Variants in GNLY observed in about 807,000 individuals in gnomAD.
GNLY encodes T-cell activation protein 519.
GNLY carries 15 observed loss-of-function variants against 18.5 expected under a neutral mutation model. The observed-to-expected ratio is 0.81, with a 90% CI of 0.54 to 1.25. The LOEUF (loss-of-function observed/expected upper bound fraction) is 1.25, where lower values mean the gene tolerates loss of function less well. Ranked by LOEUF, GNLY falls within the 50% of genes most tolerant of loss-of-function variation. The pLI is 0.00. For missense variants in GNLY, 178 were observed against 186.9 expected, an observed-to-expected ratio of 0.95 and a Z score of 0.28; for synonymous variants, 77 against 74.9, an observed-to-expected ratio of 1.03 and a Z score of -0.14.
rs754462430 is a variant in GNLY, at chr2:85,698,700, C to T, written c.*126C>T. On this transcript the variant is annotated 3_prime_UTR_variant, in exon 5 of 5. Coordinates refer to ENST00000263863, the MANE Select transcript of GNLY (RefSeq NM_006433.5). ...CCACTCTCCAGTCTCCCTCCCCTGACTCCCTCTGCTGTCCTCCCCTCTCAC... is the reference window on the plus strand; with the variant it reads ...CCACTCTCCAGTCTCCCTCCCCTGATTCCCTCTGCTGTCCTCCCCTCTCAC... 1.9e-6 allele frequency: 3 copies of T among 1,592,996 alleles called. No individual in the cohort carries two copies. Among genetic ancestry groups the T allele is most frequent in the South Asian group, 1.1e-5 (1 of 89,662 alleles).
At position 85,698,647 on chromosome 2, in the gene GNLY, C is replaced by T. The variant is rs1257297550; in HGVS notation, c.*73C>T. On this transcript the variant is annotated 3_prime_UTR_variant, in exon 5 of 5. Transcript: ENST00000263863. ...ATCCCGGGAACCTCAGCAACCTCTG[C>T]CGGCTCCTCGCTTCCTCGATCCAGA... The T allele has an allele frequency of 6.2e-7, 1 of 1,611,032 alleles. No individual in the cohort carries two copies. The highest frequency in any genetic ancestry group is 1.3e-5 in the African/African-American group (1 of 75,020).
intron 1 of GNLY, 138 bp downstream of exon 1, chr2:85,694,608 C>CT: frequency 1.1e-6 from 1 of 896,732 alleles, no homozygotes. Flanking sequence ...TCATGGAGGC[C>CT]TGGCCTCCCC....
chr2:85,698,766 C>T lies in GNLY; in HGVS notation c.*192C>T. 2 of 1,515,588 alleles carry T rather than the reference C, an allele frequency of 1.3e-6. No homozygotes were observed. Among genetic ancestry groups the T allele is most frequent in the South Asian group, 2.5e-5 (2 of 81,304 alleles). The allele number at this position is 1,515,588 out of a possible 1,614,324, so 93.9% of individuals were successfully genotyped here. A position where few individuals can be genotyped will look rare whatever the true frequency, so the allele number is the denominator to read the frequency against. On this transcript the variant is annotated 3_prime_UTR_variant, in exon 5 of 5. Transcript: ENST00000263863. ...AGCAAGATTTTAGCCGCAGCTGCTT[C>T]TTCTTTGGTGGATTTGAGGGGTGGG... is the stretch of plus-strand genomic sequence containing the variant.
At chr2:85,694,643 G>A (rs1678367904) in intron 1 of GNLY, 173 bp downstream of exon 1, 1 of 1,088,200 alleles carries the variant, frequency 9.2e-7, no homozygotes, top group Non-Finnish European at 1.3e-6. Context: ...AGTCCAGTGT[G>A]CTGCCCAGCC....
At chr2:85,696,739 G>C (rs1379901302) in intron 3 of GNLY, 1 of 152,414 alleles carries the variant, frequency 6.6e-6, no homozygotes, top group African/African-American at 2.4e-5. Flanking sequence ...GGGTCTCACT[G>C]TGTTGCCCAG....
intron 1 of GNLY, 135 bp downstream of exon 1, chr2:85,694,605 G>A: frequency 1.1e-6 from 1 of 907,376 alleles, no homozygotes; most frequent in Non-Finnish European, 1.5e-6. Flanking sequence ...CCGTCATGGA[G>A]GCCTGGCCTC....
intron 3 of GNLY, 155 bp downstream of exon 3, chr2:85,696,211 G>A: frequency 1.3e-5 from 8 of 598,804 alleles, no homozygotes; most frequent in Non-Finnish European, 2.4e-5. Context: ...GTGTGTCTGT[G>A]GATGAATTTC....
Position 85,698,759 on chromosome 2 carries a change from G to C in GNLY, c.*185G>C, listed in dbSNP as rs1349733014. 1 of 1,520,836 alleles carries C rather than the reference G, an allele frequency of 6.6e-7. No individual in the cohort carries two copies. Among genetic ancestry groups the C allele is most frequent in the Non-Finnish European group, 8.8e-7 (1 of 1,136,150 alleles). The allele number at this position is 1,520,836 out of a possible 1,614,324, so 94.2% of individuals were successfully genotyped here. ...AGTGTCAAGCAAGATTTTAGCCGCAGCTGCTTCTTCTTTGGTGGATTTGAG... is the reference window on the plus strand; with the variant it reads ...AGTGTCAAGCAAGATTTTAGCCGCACCTGCTTCTTCTTTGGTGGATTTGAG... On this transcript the variant is annotated 3_prime_UTR_variant, in exon 5 of 5. Coordinates refer to ENST00000263863, the MANE Select transcript of GNLY (RefSeq NM_006433.5).
In GNLY at chr2:85,697,553, A is replaced by T. The variant is rs752051574; in HGVS notation, c.303A>T (p.Ser101=). 1 of 1,613,156 alleles carries T rather than the reference A, an allele frequency of 6.2e-7. No individual in the cohort carries two copies. The highest frequency in any genetic ancestry group is 1.1e-5 in the South Asian group (1 of 91,030). Residue 101 remains serine, a synonymous_variant, in exon 4 of 5, where the codon TCA becomes TCT. Transcript: ENST00000263863. The stretch of plus-strand genomic sequence containing the variant: ...CCCGGGTGTGTAGGACGGGGAGGTC[A>T]CGATGGCGCGACGTCTGCAGAAATT... ...AATRVCRTGR[S]RWRDVCRNFM...
Position 85,698,571 on chromosome 2 carries a change from CT to C in GNLY, c.436del (p.Ter146GlufsTer87), listed in dbSNP as rs1278013410. On this transcript the variant is annotated frameshift_variant and stop_lost, in exon 5 of 5. Coordinates refer to ENST00000263863, the MANE Select transcript of GNLY (RefSeq NM_006433.5). LOFTEE classifies it high-confidence loss of function. The part of the protein sequence containing the change: ...RLCIPSTGPL[*>X] ...CTGTTCTCTCCTCTCCAGGTCCCCT[CT>C]GAGCCCTCTCACCTTGTCCTGTGGA... The C allele has an allele frequency of 6.2e-7, 1 of 1,613,402 alleles. No individual in the cohort carries two copies. Among genetic ancestry groups the C allele is most frequent in the Non-Finnish European group, 8.5e-7 (1 of 1,179,508 alleles).
chr2:85,695,735 G>C (rs1678416677), intron 2 of GNLY, among the ~76,000 whole-genome samples: 1 of 152,136 alleles, frequency 6.6e-6, no homozygotes, highest in Non-Finnish European at 1.5e-5. Flanking sequence ...AAAGTACTGG[G>C]GGTGTGGGAG....
In GNLY at chr2:85,698,427, G is replaced by T. The variant is rs755051325; in HGVS notation, c.428-137G>T. 2.6e-5 allele frequency: 38 copies of T among 1,457,146 alleles called. No individual in the cohort carries two copies. In the Middle Eastern group the frequency reaches 5.2e-4, roughly 20 times the overall value. The allele number at this position is 1,457,146 out of a possible 1,614,324, so 90.3% of individuals were successfully genotyped here. A position where few individuals can be genotyped will look rare whatever the true frequency, so the allele number is the denominator to read the frequency against. The stretch of plus-strand genomic sequence containing the variant: ...CACAACCTGCTCAGGCTGCCGACTG[G>T]CTTCCAGGATGTGCCTCTGGGTGTG... On this transcript the variant is annotated intron_variant, in intron 4 of 4. Coordinates refer to ENST00000263863, the MANE Select transcript of GNLY (RefSeq NM_006433.5).
At chr2:85,694,895 C>T (rs916799336) in intron 1 of GNLY, 31 of 1,552,222 alleles carry the variant, frequency 2.0e-5, no homozygotes, top group Non-Finnish European at 2.7e-5. Flanking sequence ...TTCCTGCCCC[C>T]TGCACCCTGC....
intron 1 of GNLY, 61 bp downstream of exon 1, chr2:85,694,531 G>C: frequency 6.5e-7 from 1 of 1,537,646 alleles, no homozygotes; most frequent in Non-Finnish European, 9.0e-7. Flanking sequence ...TCTCAGGCTG[G>C]CTGAACCTGG....
intron 3 of GNLY, chr2:85,697,204 G>A (rs576890422): frequency 5.8e-6 from 2 of 346,376 alleles, no homozygotes; most frequent in African/African-American, 4.2e-5. Context: ...TTTAATGTGT[G>A]CCTGGCAGCC....
rs752802595 is a variant in GNLY, at chr2:85,698,564, G to T, written c.428G>T (p.Gly143Val). Reference protein sequence around the residue: ...EDLRLCIPSTGPL With the variant: ...EDLRLCIPSTVPL ...CAGCTGGCTGTTCTCTCCTCTCCAG[G>T]TCCCCTCTGAGCCCTCTCACCTTGT... Residue 143 changes from glycine to valine, a missense_variant and splice_region_variant, in exon 5 of 5, where the codon GGT becomes GTT. Transcript: ENST00000263863. 6.2e-7 allele frequency: 1 copy of T among 1,613,134 alleles called. No individual in the cohort carries two copies. Among genetic ancestry groups the T allele is most frequent in the Admixed American group, 1.7e-5 (1 of 60,008 alleles).
chr2:85,697,661 G>T lies in GNLY; in HGVS notation c.411G>T (p.Leu137Phe), dbSNP rs143181527. The T allele has an allele frequency of 5.0e-6, 8 of 1,612,724 alleles. No homozygotes were observed. The African/African-American group carries it at 1.1e-4, about 22-fold the overall frequency. Residue 137 changes from leucine to phenylalanine, a missense_variant, in exon 4 of 5, where the codon TTG becomes TTT. By Grantham distance (22) the Leu-to-Phe change is conservative. Transcript: ENST00000263863. ...TAQQICEDLR[L>F]CIPSTGPL ...AGCAGATCTGTGAGGACCTCAGGTTGTGTATACCTTCTACAGGTGAGTGCA... is the reference window on the plus strand; with the variant it reads ...AGCAGATCTGTGAGGACCTCAGGTTTTGTATACCTTCTACAGGTGAGTGCA...
intron 1 of GNLY, chr2:85,694,793 C>T (rs1678374122): frequency 1.4e-6 from 2 of 1,449,364 alleles, no homozygotes; most frequent in African/African-American, 1.4e-5. Flanking sequence ...CATTGGCCCT[C>T]ATCGGTGGAT....
At chr2:85,698,447 G>C (rs1180372290) in intron 4 of GNLY, 117 bp from the exon 5 acceptor site, 1 of 1,577,118 alleles carries the variant, frequency 6.3e-7, no homozygotes, top group Admixed American at 1.7e-5. Context: ...TGTGCCTCTG[G>C]GTGTGTTCAG....
Sources: allele counts gnomAD v4.1 joint callset (sites outside exome capture counted in the v4.1 genomes callset), GRCh38; gene constraint gnomAD v4.1.1; transcripts MANE v1.5; gene names NCBI Gene and HGNC (gene_info 2026-07-23, HGNC 2026-07-21).